Variants in SPMAP2L observed in about 807,000 individuals in gnomAD.
SPMAP2L encodes sperm microtubule associated protein 2-like.
chr4:56,563,673 T>A, the SPMAP2L span, among the ~76,000 whole-genome samples: 2 of 152,072 alleles, frequency 1.3e-5, no homozygotes, highest in African/African-American at 4.8e-5. Context: ...GTTAACGAAC[T>A]TTTTCTGGAA....
the SPMAP2L span, among the ~76,000 whole-genome samples, chr4:56,553,853 C>G: frequency 6.6e-6 from 1 of 152,214 alleles, no homozygotes; most frequent in Non-Finnish European, 1.5e-5. Flanking sequence ...TTTCCTCCCT[C>G]TCCAAACCCT....
the SPMAP2L span, among the ~76,000 whole-genome samples, chr4:56,622,345 C>CAAT: frequency 6.6e-6 from 1 of 152,170 alleles, no homozygotes; most frequent in African/African-American, 2.4e-5. Context: ...TAAATGAGAG[C>CAAT]AATAAAAATA....
At chr4:56,601,659 G>A in the SPMAP2L span, among the ~76,000 whole-genome samples, 1 of 152,134 alleles carries the variant, frequency 6.6e-6, no homozygotes, top group Non-Finnish European at 1.5e-5. Flanking sequence ...CAACTTGGGA[G>A]GCTGAGGCAG....
At chr4:56,616,135 A>G in the SPMAP2L span, among the ~76,000 whole-genome samples, 1 of 151,992 alleles carries the variant, frequency 6.6e-6, no homozygotes, top group African/African-American at 2.4e-5. Flanking sequence ...TAAACAACAG[A>G]CATTTATGAC....
the SPMAP2L span, among the ~76,000 whole-genome samples, chr4:56,623,033 G>A: frequency 6.6e-6 from 1 of 152,144 alleles, no homozygotes; most frequent in Non-Finnish European, 1.5e-5. Context: ...GTTACTGCTA[G>A]GATGTGTTCT....
chr4:56,614,220 C>G, the SPMAP2L span, among the ~76,000 whole-genome samples: 1 of 152,178 alleles, frequency 6.6e-6, no homozygotes, highest in Non-Finnish European at 1.5e-5. Context: ...TAGTGGAATA[C>G]TTTCAGGATA....
the SPMAP2L span, among the ~76,000 whole-genome samples, chr4:56,620,463 C>T: frequency 1.3e-5 from 2 of 151,540 alleles, no homozygotes; most frequent in African/African-American, 2.4e-5. Context: ...CTCAGCTCAC[C>T]GCAACCTCCG....
At chr4:56,540,516 C>T in the SPMAP2L span, among the ~76,000 whole-genome samples, 2 of 152,038 alleles carry the variant, frequency 1.3e-5, no homozygotes, top group Non-Finnish European at 2.9e-5. Context: ...GCACTGCAGC[C>T]TGGGTGACAG....
the SPMAP2L span, chr4:56,552,727 T>TCAC: frequency 1.5e-6 from 1 of 672,534 alleles, no homozygotes; most frequent in Non-Finnish European, 2.6e-6. Flanking sequence ...ACCAATATTG[T>TCAC]CACCTCATTG....
the SPMAP2L span, among the ~76,000 whole-genome samples, chr4:56,558,649 T>TTCCTAATCCCTGACCCTCCTAACC: frequency 6.6e-6 from 1 of 152,108 alleles, no homozygotes; most frequent in Non-Finnish European, 1.5e-5. Flanking sequence ...TTACCTCAGC[T>TTCCTAATCCCTGACCCTCCTAACC]TCCTAATCCC....
the SPMAP2L span, among the ~76,000 whole-genome samples, chr4:56,556,226 C>T: frequency 2.6e-5 from 4 of 152,076 alleles, no homozygotes; most frequent in Non-Finnish European, 5.9e-5. Context: ...TAAAATAATG[C>T]AGGAGAGAAA....
At chr4:56,544,230 C>T in the SPMAP2L span, among the ~76,000 whole-genome samples, 1 of 152,076 alleles carries the variant, frequency 6.6e-6, no homozygotes, top group African/African-American at 2.4e-5. Flanking sequence ...CTCAAGTGAT[C>T]CGCCCGCCTT....
At chr4:56,600,199 C>T in the SPMAP2L span, among the ~76,000 whole-genome samples, 1 of 148,360 alleles carries the variant, frequency 6.7e-6, no homozygotes, top group South Asian at 2.1e-4. Flanking sequence ...CTCACCTCAG[C>T]CTCCCAAAGT....
the SPMAP2L span, among the ~76,000 whole-genome samples, chr4:56,570,671 G>A: frequency 1.4e-4 from 22 of 152,104 alleles, no homozygotes; most frequent in South Asian, 2.1e-4. Flanking sequence ...GAAGGCCCAG[G>A]ACATGACTGC....
the SPMAP2L span, among the ~76,000 whole-genome samples, chr4:56,611,898 T>C: frequency 6.6e-6 from 1 of 152,124 alleles, no homozygotes; most frequent in East Asian, 1.9e-4. Context: ...AATCAGAGCA[T>C]ATCCAAAGCC....
At chr4:56,594,519 G>A in the SPMAP2L span, 1 of 1,608,122 alleles carries the variant, frequency 6.2e-7, no homozygotes, top group East Asian at 2.2e-5. Flanking sequence ...GGAGCCCAGG[G>A]AGAATATGCT....
At chr4:56,531,164 T>C in the SPMAP2L span, 184 of 1,529,714 alleles carry the variant, frequency 1.2e-4, 1 homozygote, top group Middle Eastern at 1.7e-4. Context: ...CTGTCTTTCC[T>C]GGGTGGTAGG....
the SPMAP2L span, chr4:56,593,918 G>A: frequency 6.2e-7 from 1 of 1,608,942 alleles, no homozygotes; most frequent in Non-Finnish European, 8.5e-7. Context: ...TTTGCCAGAA[G>A]GTCTCAAGCG....
chr4:56,554,937 C>CT, the SPMAP2L span, among the ~76,000 whole-genome samples: 833 of 93,404 alleles, frequency 8.9e-3, 13 homozygotes, highest in African/African-American at 0.03. Context: ...ACTATCATTT[C>CT]TTTTTTTTTT....
Sources: gnomAD v4.1 joint callset for allele counts (sites outside exome capture counted in the v4.1 genomes callset) on GRCh38, gnomAD v4.1.1 for gene constraint, MANE v1.5 for transcripts, NCBI Gene and HGNC (gene_info 2026-07-23, HGNC 2026-07-21) for gene names.